The following GOLGA5 variants were observed in gnomAD, a reference collection of about 807,000 sequenced individuals.
GOLGA5 encodes the protein golgin A5.
GOLGA5 carries 50 observed loss-of-function variants against 93.5 expected under a neutral mutation model. That is an observed-to-expected ratio of 0.53 (90% CI 0.43 to 0.68). The LOEUF is 0.68. Ranked by LOEUF, GOLGA5 falls within the 30% of genes least tolerant of loss-of-function variation. The probability of loss-of-function intolerance (pLI) is 0.00; values close to 1 mark genes in which losing one functional copy is unlikely to be tolerated. For synonymous variants in GOLGA5, 312 were observed against 304.5 expected, an observed-to-expected ratio of 1.02 and a Z score of -0.26; for missense variants, 760 against 856.4, an observed-to-expected ratio of 0.89 and a Z score of 1.40.
At position 92,806,745 on chromosome 14, in the gene GOLGA5, G is replaced by C; in HGVS notation, c.554G>C (p.Ser185Thr). Residue 185 changes from serine (S) to threonine (T), a missense_variant, in exon 3 of 13, where the codon AGT (serine) becomes ACT (threonine). Ser to Thr is a moderately conservative substitution (Grantham distance 58). Transcript: ENST00000163416. ...ATTCTTTTTTTTACAGAAGCTGCCAGTAACTCAGATTCTAGCCATGAAGGT... is the reference window on the plus strand; with the variant it reads ...ATTCTTTTTTTTACAGAAGCTGCCACTAACTCAGATTCTAGCCATGAAGGT... The part of the protein sequence containing the change: ...SFGSQTHEAA[S>T]NSDSSHEGQE... 1 of 1,609,732 alleles carries C rather than the reference G, an allele frequency of 6.2e-7. No homozygotes were observed. Among genetic ancestry groups the C allele is most frequent in the South Asian group, 1.1e-5 (1 of 91,004 alleles).
chr14:92,798,058 C>T, intron 2 of GOLGA5, 77 bp downstream of exon 2: 2 of 951,790 alleles, frequency 2.1e-6, no homozygotes, highest in African/African-American at 1.6e-5. Context: ...TGGTGTTTCT[C>T]ATCTACTGTT....
Position 92,828,924 on chromosome 14 carries a change from G to A in GOLGA5, c.1720-4198G>A, listed in dbSNP as rs138019679. Among the ~76,000 whole-genome samples the A allele has an allele frequency of 4.0e-3, 602 of 152,052 alleles. 15 individuals are homozygous for A. Among genetic ancestry groups the A allele is most frequent in the Admixed American group, 0.034 (518 of 15,270 alleles). ...CCTCAACCAATCCACCTGCGTCAGC[G>A]TCCCAAGTGCTGAGATTACAGGCAT... On this transcript the variant is annotated intron_variant, in intron 9 of 12. Coordinates refer to ENST00000163416, the MANE Select transcript of GOLGA5 (RefSeq NM_005113.4).
At chr14:92,808,241 G>A (rs1297391212) in intron 3 of GOLGA5, among the ~76,000 whole-genome samples, 1 of 151,614 alleles carries the variant, frequency 6.6e-6, no homozygotes, top group African/African-American at 2.4e-5. Flanking sequence ...AGCGAGACTC[G>A]TCTCAACAAC....
chr14:92,820,102 G>C (rs2140326717), intron 8 of GOLGA5, among the ~76,000 whole-genome samples: 1 of 152,310 alleles, frequency 6.6e-6, no homozygotes, highest in Middle Eastern at 3.4e-3. Context: ...CAGGAGACCG[G>C]CGCTCAGCAT....
chr14:92,814,899 T>C (rs1197496104), intron 6 of GOLGA5, among the ~76,000 whole-genome samples: 7 of 152,112 alleles, frequency 4.6e-5, no homozygotes, highest in African/African-American at 1.4e-4. Flanking sequence ...CTACCTGTAG[T>C]CTCCATCACA....
chr14:92,829,599 A>G (rs1885486973), intron 9 of GOLGA5, among the ~76,000 whole-genome samples: 1 of 152,254 alleles, frequency 6.6e-6, no homozygotes. Context: ...AAACTTAAAC[A>G]GATGAGGAGT....
intron 9 of GOLGA5, among the ~76,000 whole-genome samples, chr14:92,831,985 A>T (rs1885540671): frequency 6.6e-6 from 1 of 152,200 alleles, no homozygotes; most frequent in African/African-American, 2.4e-5. Flanking sequence ...TTAAACTTAG[A>T]TCAAACTTTT....
chr14:92,826,148 T>C, intron 9 of GOLGA5, among the ~76,000 whole-genome samples: 1 of 152,152 alleles, frequency 6.6e-6, no homozygotes, highest in East Asian at 1.9e-4. Context: ...AGAGAGACTT[T>C]GTTTCTTAAA....
chr14:92,830,643 G>A (rs374038791), intron 9 of GOLGA5, among the ~76,000 whole-genome samples: 2 of 152,002 alleles, frequency 1.3e-5, no homozygotes, highest in Non-Finnish European at 2.9e-5. Flanking sequence ...TCTGTCACCC[G>A]GGCTGGAGTG....
chr14:92,805,091 C>T (rs570743801), intron 2 of GOLGA5, among the ~76,000 whole-genome samples: 46 of 152,270 alleles, frequency 3.0e-4, no homozygotes, highest in South Asian at 1.0e-3. Flanking sequence ...ATGGCAATAC[C>T]TGTGTAACCC....
Position 92,797,397 on chromosome 14 carries a change from C to T in GOLGA5, c.-30-11C>T. ...CTATGCCACACTGATCATTTTATGT[C>T]CTTTTTACAGGTTTGCCAATAGGAT... On this transcript the variant is annotated splice_polypyrimidine_tract_variant and intron_variant, in intron 1 of 12. Coordinates refer to ENST00000163416, the MANE Select transcript of GOLGA5 (RefSeq NM_005113.4). The T allele has an allele frequency of 6.8e-7, 1 of 1,468,066 alleles. No homozygotes were observed. Among genetic ancestry groups the T allele is most frequent in the Non-Finnish European group, 9.3e-7 (1 of 1,074,808 alleles). 90.9% of individuals were successfully genotyped at this position (1,468,066 alleles called of 1,614,324 possible).
rs1885026950 is a variant in GOLGA5 at position 92,808,064 on chromosome 14, T to C, written c.772+1101T>C. ...TCTGGCCAACATGGTGAAACCCGTC[T>C]CTACTAAAAATACAAAAAAATTAGC... On this transcript the variant is annotated intron_variant, in intron 3 of 12. Coordinates refer to ENST00000163416, the MANE Select transcript of GOLGA5 (RefSeq NM_005113.4). Among the ~76,000 whole-genome samples, 3 of 152,052 alleles carry C rather than the reference T, an allele frequency of 2.0e-5. No individual in the cohort carries two copies. The South Asian group carries it at 6.2e-4, about 31-fold the overall frequency.
chr14:92,803,817 C>G (rs1400472770), intron 2 of GOLGA5, among the ~76,000 whole-genome samples: 1 of 152,200 alleles, frequency 6.6e-6, no homozygotes. Context: ...TACCCTGTTT[C>G]TGGCACTGCA....
intron 1 of GOLGA5, 85 bp from the exon 2 acceptor site, chr14:92,797,323 G>C (rs1884756138): frequency 1.3e-6 from 1 of 742,914 alleles, no homozygotes; most frequent in African/African-American, 1.8e-5. Flanking sequence ...TTCAACCCAG[G>C]ATTGCCTGAC....
At chr14:92,825,163 C>T (rs954930666) in intron 9 of GOLGA5, among the ~76,000 whole-genome samples, 4 of 151,952 alleles carry the variant, frequency 2.6e-5, no homozygotes, top group African/African-American at 9.7e-5. Context: ...TCATAGTTGT[C>T]CTTTCCTTCC....
At chr14:92,815,830 A>G (rs574406793) in intron 6 of GOLGA5, among the ~76,000 whole-genome samples, 1 of 149,814 alleles carries the variant, frequency 6.7e-6, no homozygotes, top group East Asian at 2.0e-4. Context: ...CAGCCTCCCT[A>G]GTAGCTGGGA....
chr14:92,802,954 A>G (rs1205368566), intron 2 of GOLGA5, among the ~76,000 whole-genome samples: 2 of 152,084 alleles, frequency 1.3e-5, no homozygotes, highest in African/African-American at 4.8e-5. Context: ...ACTTTTAAAT[A>G]TAAAACCAAA....
intron 7 of GOLGA5, 57 bp downstream of exon 7, chr14:92,816,478 T>G: frequency 7.0e-7 from 1 of 1,423,910 alleles, no homozygotes; most frequent in Non-Finnish European, 9.8e-7. Context: ...GTGTTAACAG[T>G]TTGAGAGGTG....
intron 8 of GOLGA5, 47 bp downstream of exon 8, chr14:92,819,883 T>G (rs1181622627): frequency 6.3e-7 from 1 of 1,594,756 alleles, no homozygotes; most frequent in East Asian, 2.2e-5. Context: ...CCTCTAGCGG[T>G]CATATGAGCA....
Sources: allele counts gnomAD v4.1 joint callset (sites outside exome capture counted in the v4.1 genomes callset), GRCh38; gene constraint gnomAD v4.1.1; transcripts MANE v1.5; gene names NCBI Gene and HGNC (gene_info 2026-07-23, HGNC 2026-07-21).